UPK2: variants seen among roughly 807,000 people sequenced by gnomAD.
UPK2 encodes uroplakin 2.
Under a neutral mutation model 14.8 loss-of-function variants are expected in UPK2, and 19 were observed. The observed-to-expected ratio is 1.29, with a 90% CI of 0.90 to 1.89. The LOEUF (loss-of-function observed/expected upper bound fraction) is 1.89, where lower values mean the gene tolerates loss of function less well. UPK2 is among the 40% of genes most tolerant of loss of function. The pLI is 0.00. For missense variants in UPK2, 232 were observed against 236.0 expected, an observed-to-expected ratio of 0.98 and a Z score of 0.11; for synonymous variants, 102 against 101.6, an observed-to-expected ratio of 1.00 and a Z score of -0.02.
At chr11:118,957,819 A>C in intron 4 of UPK2, 151 bp downstream of exon 4, 1 of 942,632 alleles carries the variant, frequency 1.1e-6, no homozygotes, top group Non-Finnish European at 1.6e-6. Context: ...AACCTTCGGC[A>C]TGGCTACTGC....
chr11:118,957,740 C>A (rs1258536812), intron 4 of UPK2, 72 bp downstream of exon 4: 1 of 1,579,388 alleles, frequency 6.3e-7, no homozygotes, highest in African/African-American at 1.3e-5. Flanking sequence ...CCTGCCTCAT[C>A]CCCAGTCTGG....
In UPK2 at chr11:118,956,760, A is replaced by C; in HGVS notation, c.77-123A>C. The C allele has an allele frequency of 1.5e-6, 2 of 1,355,432 alleles. No individual in the cohort carries two copies. The allele number at this position is 1,355,432 out of a possible 1,614,324, so 84.0% of individuals were successfully genotyped here. ...TGCCACCTGGTGGTCATACTGGCAC[A>C]GGCCTGGCTGTTCTGCCCAGGGTTC... On this transcript the variant is annotated intron_variant, in intron 1 of 4. Transcript: ENST00000264031. The surrounding 1 kb of genome is among the most constrained non-coding windows in gnomAD (Gnocchi z 4.1).
chr11:118,957,580 T>C lies in UPK2; in HGVS notation c.348-18T>C. The C allele has an allele frequency of 1.2e-6, 2 of 1,613,936 alleles. No homozygotes were observed. The highest frequency in any genetic ancestry group is 1.7e-6 in the Non-Finnish European group (2 of 1,179,904). ...AATACTCACTGAGGGTTCTCTACTC[T>C]CTCCCAAACCACAAAAGCATTTCCT... On this transcript the variant is annotated intron_variant, in intron 3 of 4. Transcript: ENST00000264031.
chr11:118,957,734 C>T, intron 4 of UPK2, 66 bp downstream of exon 4: 1 of 1,587,192 alleles, frequency 6.3e-7, no homozygotes, highest in Non-Finnish European at 8.6e-7. Flanking sequence ...ACCATTCCTG[C>T]CTCATCCCCA....
intron 3 of UPK2, 59 bp from the exon 4 acceptor site, chr11:118,957,539 T>A (rs775010279): frequency 1.2e-4 from 190 of 1,602,524 alleles, no homozygotes; most frequent in Non-Finnish European, 1.6e-4. Context: ...CTGGAGCCCC[T>A]CTTCCTGTAA....
In UPK2 at chr11:118,958,298, C is replaced by T; in HGVS notation, c.*65C>T. The T allele has an allele frequency of 2.0e-6, 3 of 1,527,264 alleles. No individual in the cohort carries two copies. In the South Asian group the frequency reaches 3.7e-5, roughly 19 times the overall value. 94.6% of individuals were successfully genotyped at this position (1,527,264 alleles called of 1,614,324 possible). The stretch of plus-strand genomic sequence containing the variant: ...GGGCACCATCCAGCTCCCCAGCCCA[C>T]CTGCTCCCAGGCCCCAGGCCTGTGG... On this transcript the variant is annotated 3_prime_UTR_variant, in exon 5 of 5. Transcript: ENST00000264031. This position sits in a 1 kb window ranked among gnomAD's most constrained non-coding sequence, Gnocchi z 4.6.
At chr11:118,957,800 C>T (rs1376422349) in intron 4 of UPK2, 132 bp downstream of exon 4, 11 of 1,040,774 alleles carry the variant, frequency 1.1e-5, no homozygotes, top group Non-Finnish European at 1.6e-5. Context: ...TACCTCTATC[C>T]TAGCACGGAA....
chr11:118,957,972 G>T, intron 4 of UPK2, 125 bp from the exon 5 acceptor site: 1 of 1,387,158 alleles, frequency 7.2e-7, no homozygotes. Flanking sequence ...TGGTTGGCTG[G>T]CTGGCTGGCT....
rs769248031 is a variant in UPK2, at chr11:118,957,345, T to C, written c.346T>C (p.Tyr116His). The C allele has an allele frequency of 1.9e-6, 3 of 1,613,832 alleles. No homozygotes were observed. The highest frequency in any genetic ancestry group is 2.5e-6 in the Non-Finnish European group (3 of 1,179,922). The stretch of plus-strand genomic sequence containing the variant: ...AAACCTCGTGCCAGGAACCAAATTC[T>C]AGTAGGTACTGGGTCCAGCCTGAGG... ...VTNLVPGTKF[Y>H]ISYLVKKGTA... Residue 116 changes from tyrosine to histidine, a missense_variant and splice_region_variant, in exon 3 of 5, where the codon TAC (tyrosine) becomes CAC (histidine). Tyr to His is a moderately conservative substitution (Grantham distance 83, BLOSUM62 2). Coordinates refer to ENST00000264031, the MANE Select transcript of UPK2 (RefSeq NM_006760.4).
chr11:118,956,814 G>A lies in UPK2; in HGVS notation c.77-69G>A, dbSNP rs988698080. ...GAGTGGAAAGGGAGATGGCTCCAAT[G>A]GGACCGGGCCAGATCTGTTGGCCAG... is the stretch of plus-strand genomic sequence containing the variant. On this transcript the variant is annotated intron_variant, in intron 1 of 4. Coordinates refer to ENST00000264031, the MANE Select transcript of UPK2 (RefSeq NM_006760.4). The surrounding 1 kb of genome is among the most constrained non-coding windows in gnomAD (Gnocchi z 4.1). 3.8e-6 allele frequency: 6 copies of A among 1,594,782 alleles called. No homozygotes were observed. In the South Asian group the frequency reaches 5.6e-5, roughly 15 times the overall value.
Position 118,956,819 on chromosome 11 carries a change from CG to C in UPK2, c.77-61del. 2 of 1,601,134 alleles carry C rather than the reference CG, an allele frequency of 1.2e-6. No homozygotes were observed. The highest frequency in any genetic ancestry group is 1.7e-6 in the Non-Finnish European group (2 of 1,172,182). On this transcript the variant is annotated intron_variant, in intron 1 of 4. Coordinates refer to ENST00000264031, the MANE Select transcript of UPK2 (RefSeq NM_006760.4). The surrounding 1 kb of genome is among the most constrained non-coding windows in gnomAD (Gnocchi z 4.1). Reference sequence around the variant, plus strand: ...GAAAGGGAGATGGCTCCAATGGGACCGGGCCAGATCTGTTGGCCAGGAGGGG... The same window carrying C: ...GAAAGGGAGATGGCTCCAATGGGACCGGCCAGATCTGTTGGCCAGGAGGGG...
rs1294605430 is a variant in UPK2 at position 118,958,164 on chromosome 11, GCTCT to G, written c.489_492del (p.Val165ProfsTer65). The G allele has an allele frequency of 1.2e-6, 2 of 1,614,024 alleles. No individual in the cohort carries two copies. The highest frequency in any genetic ancestry group is 1.3e-5 in the African/African-American group (1 of 75,028). ...GGGGCATGGTGGTCATCACGGTGCT[GCTCT>G]CTGTCGCCATGTTCCTGCTGGTGCT... On this transcript the variant is annotated frameshift_variant, in exon 5 of 5. Transcript: ENST00000264031. LOFTEE classifies it high-confidence loss of function. The surrounding 1 kb of genome is among the most constrained non-coding windows in gnomAD (Gnocchi z 4.6).
At position 118,958,373 on chromosome 11, in the gene UPK2, C is replaced by T; in HGVS notation, c.*140C>T. The stretch of plus-strand genomic sequence containing the variant: ...CTCCTGCCCTCCTCTCCCCTAGAGC[C>T]CTCTCCTCCCTCTGTCCCTCTCCTT... On this transcript the variant is annotated 3_prime_UTR_variant, in exon 5 of 5. Coordinates refer to ENST00000264031, the MANE Select transcript of UPK2 (RefSeq NM_006760.4). This position sits in a 1 kb window ranked among gnomAD's most constrained non-coding sequence, Gnocchi z 4.6. 1.1e-6 allele frequency: 1 copy of T among 928,820 alleles called. No individual in the cohort carries two copies. The highest frequency in any genetic ancestry group is 2.9e-5 in the Admixed American group (1 of 34,862). The allele number at this position is 928,820 out of a possible 1,614,324, so 57.5% of individuals were successfully genotyped here. A position where few individuals can be genotyped will look rare whatever the true frequency, so the allele number is the denominator to read the frequency against.
At chr11:118,957,123 G>A in intron 2 of UPK2, 85 bp from the exon 3 acceptor site, 1 of 1,608,286 alleles carries the variant, frequency 6.2e-7, no homozygotes, top group Non-Finnish European at 8.5e-7. Flanking sequence ...CGTCTCCTGG[G>A]GTACCCACAC....
At chr11:118,957,811 C>T (rs569795630) in intron 4 of UPK2, 143 bp downstream of exon 4, 9 of 975,180 alleles carry the variant, frequency 9.2e-6, no homozygotes, top group Admixed American at 4.5e-5. Context: ...TAGCACGGAA[C>T]CTTCGGCATG....
At position 118,956,464 on chromosome 11, in the gene UPK2, G is replaced by C. The variant is rs1432094172; in HGVS notation, c.76+38G>C. On this transcript the variant is annotated intron_variant, in intron 1 of 4. Transcript: ENST00000264031. This position sits in a 1 kb window ranked among gnomAD's most constrained non-coding sequence, Gnocchi z 4.1. ...TCTGGCAGGGGTGGGAAGGGGGCTG[G>C]GGGCCTGGACAGGGAGCACTGTACC... 3.2e-6 allele frequency: 5 copies of C among 1,553,034 alleles called. No individual in the cohort carries two copies. The highest frequency in any genetic ancestry group is 2.6e-6 in the Non-Finnish European group (3 of 1,139,680).
In UPK2 at chr11:118,956,981, A is replaced by ACACT. The variant is rs757139553; in HGVS notation, c.176_179dup (p.Met61ThrfsTer8). ...CTGTCACCTCACAGGAGGCAATGCC[A>ACACT]CACTGATGGTCCGGAGAGCCAATGA... is the stretch of plus-strand genomic sequence containing the variant. On this transcript the variant is annotated frameshift_variant, in exon 2 of 5. Coordinates refer to ENST00000264031, the MANE Select transcript of UPK2 (RefSeq NM_006760.4). LOFTEE classifies it high-confidence loss of function. This position sits in a 1 kb window ranked among gnomAD's most constrained non-coding sequence, Gnocchi z 4.1. 795 of 1,613,986 alleles carry ACACT rather than the reference A, an allele frequency of 4.9e-4. 1 individual carries two copies. Among genetic ancestry groups the ACACT allele is most frequent in the Non-Finnish European group, 6.3e-4 (741 of 1,180,002 alleles).
chr11:118,957,706 G>T (rs1251057387), intron 4 of UPK2, 38 bp downstream of exon 4: 36 of 1,610,220 alleles, frequency 2.2e-5, no homozygotes, highest in Non-Finnish European at 3.1e-5. Flanking sequence ...CATCTCAGCG[G>T]CCACAAACGC....
chr11:118,958,245 C>T lies in UPK2; in HGVS notation c.*12C>T, dbSNP rs201943136. The T allele has an allele frequency of 4.5e-5, 72 of 1,607,138 alleles. No individual in the cohort carries two copies. Among genetic ancestry groups the T allele is most frequent in the African/African-American group, 3.5e-4 (26 of 74,948 alleles). On this transcript the variant is annotated 3_prime_UTR_variant, in exon 5 of 5. Coordinates refer to ENST00000264031, the MANE Select transcript of UPK2 (RefSeq NM_006760.4). This position sits in a 1 kb window ranked among gnomAD's most constrained non-coding sequence, Gnocchi z 4.6. ...GCTCCCGCAAGTAAGGAGGTCTGCC[C>T]GGAGCAGCAGCTTCTCCAGGAAGCC...
Sources: allele counts gnomAD v4.1 joint callset, GRCh38; gene constraint gnomAD v4.1.1; non-coding constraint Gnocchi (gnomAD v3.1); transcripts MANE v1.5; gene names NCBI Gene and HGNC (gene_info 2026-07-23, HGNC 2026-07-21).